FHL1: variants seen among roughly 807,000 people sequenced by gnomAD.
FHL1 encodes four and a half LIM domains 1.
FHL1 carries 1 observed loss-of-function variant against 20.3 expected under a neutral mutation model. That is an observed-to-expected ratio of 0.05 (90% CI 0.02 to 0.23). The LOEUF (loss-of-function observed/expected upper bound fraction) is 0.23, where lower values mean the gene tolerates loss of function less well. Ranked by LOEUF, FHL1 falls within the 10% of genes least tolerant of loss-of-function variation. The probability of loss-of-function intolerance (pLI) is 1.00; values close to 1 mark genes in which losing one functional copy is unlikely to be tolerated. For synonymous variants in FHL1, 82 were observed against 88.9 expected, an observed-to-expected ratio of 0.92 and a Z score of 0.44; for missense variants, 177 against 234.0, an observed-to-expected ratio of 0.76 and a Z score of 1.59.
chrX:136,147,539 C>A (rs769579629), exon 1 of FHL1: 165 of 109,913 alleles, frequency 1.5e-3, no homozygotes, highest in South Asian at 5.3e-3. Flanking sequence ...GCTCAGTCCG[C>A]AGCCGCCGCC....
intron 1 of FHL1, among the ~76,000 whole-genome samples, chrX:136,197,720 G>A (rs977647002): frequency 1.2e-4 from 13 of 112,641 alleles, no homozygotes; most frequent in African/African-American, 4.2e-4. Flanking sequence ...TGGGACATGA[G>A]CATTTTCTTC....
chrX:136,165,477 A>C (rs1358120552), upstream of FHL1, among the ~76,000 whole-genome samples: 1 of 111,808 alleles, frequency 8.9e-6, no homozygotes, highest in Non-Finnish European at 1.9e-5. Flanking sequence ...GGTAAATGAG[A>C]AGTCTGTGCC....
chrX:136,204,612 C>A (rs1407895555), intron 1 of FHL1: 5 of 112,446 alleles, frequency 4.4e-5, no homozygotes, highest in Non-Finnish European at 9.4e-5. Flanking sequence ...AAGCAACTGT[C>A]CTTGCACAAG....
chrX:136,168,281 T>C (rs2072767328), upstream of FHL1: 1 of 112,142 alleles, frequency 8.9e-6, no homozygotes, highest in African/African-American at 3.2e-5. Flanking sequence ...TGGAATCTTC[T>C]AGAAGCAGTG....
In FHL1 at chrX:136,206,521, A is replaced by G. The variant is rs1226091388; in HGVS notation, c.137A>G (p.Lys46Arg). ...AAGGATGGCCACCACTGCTGCCTGA[A>G]ATGCTTTGACAAGTTCTGTGCCAAC... ...VQKDGHHCCL[K>R]CFDKFCANTC... Residue 46 changes from lysine (K) to arginine (R), a missense_variant, in exon 2 of 6, where the codon AAA (lysine) becomes AGA (arginine). Lys to Arg is a conservative substitution (Grantham distance 26). Coordinates refer to ENST00000370683, the MANE Select transcript of FHL1 (RefSeq NM_001159699.2). 1.1e-5 allele frequency: 13 copies of G among 1,211,430 alleles called. No homozygotes were observed. The highest frequency in any genetic ancestry group is 1.5e-5 in the Non-Finnish European group (13 of 895,457).
rs2024704 is a variant in FHL1, at chrX:136,197,545, A to C, written c.22+411A>C. On this transcript the variant is annotated intron_variant, in intron 1 of 5. Transcript: ENST00000370683. The stretch of plus-strand genomic sequence containing the variant: ...AGAAGGTAAATCGAATGTGGAGCTG[A>C]AAGGAGGAACATTTGTAACTAAGAA... Among the ~76,000 whole-genome samples the C allele has an allele frequency of 6.8e-4, 75 of 110,935 alleles. 1 individual carries two copies. The highest frequency in any genetic ancestry group is 2.3e-3 in the African/African-American group (70 of 30,499).
rs1376210365 is a variant in FHL1 at position 136,163,625 on chromosome X, T to TG, written c.-100-6278dup. Among the ~76,000 whole-genome samples, 3 of 111,864 alleles carry TG rather than the reference T, an allele frequency of 2.7e-5. No individual in the cohort carries two copies. In the East Asian group the frequency reaches 8.4e-4, roughly 31 times the overall value. On this transcript the variant is annotated intron_variant, in intron 1 of 7. Coordinates refer to the FHL1 transcript ENST00000394155. Reference sequence around the variant, plus strand: ...ATGGGCAGGGTTTGGCGATGGTTGCTGGGGTGACAGCAATGTTAGAATGTC... The same window carrying TG: ...ATGGGCAGGGTTTGGCGATGGTTGCTGGGGGTGACAGCAATGTTAGAATGTC...
At position 136,182,107 on chromosome X, in the gene FHL1, AT is replaced by A. The variant is rs1240473790; in HGVS notation, c.-27+12128del. ...AATCCTGGCATGGAGTTGGAAAAAA[AT>A]ATACTAATTTTTAAATTGGAACTTT... On this transcript the variant is annotated intron_variant, in intron 2 of 6. Coordinates refer to the FHL1 transcript ENST00000394153. Among the ~76,000 whole-genome samples, 4 of 112,330 alleles carry A rather than the reference AT, an allele frequency of 3.6e-5. No individual in the cohort carries two copies. The East Asian group carries it at 1.1e-3, about 31-fold the overall frequency.
chrX:136,164,296 T>C (rs1455702219), intron 1 of FHL1, among the ~76,000 whole-genome samples: 1 of 108,420 alleles, frequency 9.2e-6, no homozygotes, highest in East Asian at 2.9e-4. Context: ...AACCTCTGCC[T>C]CCTGGATTCA....
chrX:136,186,863 AAAATATATAT>A (rs1289557028), intron 2 of FHL1, among the ~76,000 whole-genome samples: 1 of 9,293 alleles, frequency 1.1e-4, no homozygotes, highest in African/African-American at 1.4e-4. Flanking sequence ...CAAAAAAAAA[AAAATATATAT>A]ATATATATAG....
chrX:136,171,938 G>T (rs1219422084), intron 2 of FHL1, among the ~76,000 whole-genome samples: 1 of 109,303 alleles, frequency 9.1e-6, no homozygotes, highest in African/African-American at 3.3e-5. Flanking sequence ...GTGCAGTGGT[G>T]CAAGTGCAGT....
At chrX:136,194,103 G>A (rs2073497702), upstream of FHL1, among the ~76,000 whole-genome samples, 1 of 111,138 alleles carries the variant, frequency 9.0e-6, no homozygotes, top group Admixed American at 9.6e-5. Context: ...CAAATGCCGT[G>A]ACATCCATCA....
chrX:136,181,767 A>C (rs1046579381), intron 2 of FHL1, among the ~76,000 whole-genome samples: 1 of 112,230 alleles, frequency 8.9e-6, no homozygotes, highest in East Asian at 2.8e-4. Context: ...CAAAGTTGAA[A>C]TGACTTTGCA....
At chrX:136,161,692 G>A (rs977976697) in intron 1 of FHL1, among the ~76,000 whole-genome samples, 1 of 111,659 alleles carries the variant, frequency 9.0e-6, no homozygotes, top group Non-Finnish European at 1.9e-5. Flanking sequence ...TTCATGGAGC[G>A]CCAATGCCAA....
upstream of FHL1, among the ~76,000 whole-genome samples, chrX:136,196,505 AT>A (rs1383601169): frequency 1.8e-5 from 2 of 110,945 alleles, no homozygotes; most frequent in Non-Finnish European, 3.8e-5. Context: ...AGGTGGGGAG[AT>A]TACGATCACT....
In FHL1 at chrX:136,186,875, TATATATAGATAG is replaced by T. The variant is rs201456777; in HGVS notation, c.-27+16899_-27+16910del. Among the ~76,000 whole-genome samples, 61 of 8,128 alleles carry T rather than the reference TATATATAGATAG, an allele frequency of 7.5e-3. 1 individual carries two copies. The highest frequency in any genetic ancestry group is 8.7e-3 in the African/African-American group (55 of 6,312). 7.1% of individuals were successfully genotyped at this position (8,128 alleles called of 115,157 possible). A position where few individuals can be genotyped will look rare whatever the true frequency, so the allele number is the denominator to read the frequency against. ...TCTCAAAAAAAAAAAAATATATATA[TATATATAGATAG>T]ATAGATAGATAGATAGATAGATAGA... On this transcript the variant is annotated intron_variant, in intron 2 of 6. Coordinates refer to the FHL1 transcript ENST00000394153.
At position 136,153,751 on chromosome X, in the gene FHL1, C is replaced by T. The variant is rs1218714468; in HGVS notation, c.-101+6123C>T. The stretch of plus-strand genomic sequence containing the variant: ...AAATTAATGACAATATTTTGTATGT[C>T]CTTTAAAAATGGAGTACTTTCTAAA... On this transcript the variant is annotated intron_variant, in intron 1 of 7. Coordinates refer to the FHL1 transcript ENST00000394155. Among the ~76,000 whole-genome samples, 39 of 112,135 alleles carry T rather than the reference C, an allele frequency of 3.5e-4. 1 individual carries two copies. In the Admixed American group the frequency reaches 3.6e-3, roughly 10 times the overall value.
chrX:136,180,345 G>T (rs1341212886), intron 2 of FHL1, among the ~76,000 whole-genome samples: 5 of 112,274 alleles, frequency 4.5e-5, no homozygotes, highest in Non-Finnish European at 7.5e-5. Flanking sequence ...AGGGCAAAAG[G>T]TTAGAGTTAG....
chrX:136,186,882 AGATAGAT>A (rs1173470373), intron 2 of FHL1, among the ~76,000 whole-genome samples: 2 of 4,174 alleles, frequency 4.8e-4, no homozygotes, highest in Non-Finnish European at 4.3e-3. Flanking sequence ...ATATATATAT[AGATAGAT>A]AGATAGATAG....
Sources: allele counts gnomAD v4.1 joint callset (sites outside exome capture counted in the v4.1 genomes callset), GRCh38; gene constraint gnomAD v4.1.1; transcripts MANE v1.5; gene names NCBI Gene and HGNC (gene_info 2026-07-23, HGNC 2026-07-21).